The following CADM1 variants were observed in gnomAD, a reference collection of about 807,000 sequenced individuals.
CADM1 encodes TSLC-1.
Under a neutral mutation model 53.1 loss-of-function variants are expected in CADM1, and 15 were observed. The ratio of observed to expected loss-of-function variants is 0.28; its 90% CI spans 0.19 to 0.44. CADM1 has a LOEUF of 0.44. Ranked by LOEUF, CADM1 falls within the 20% of genes least tolerant of loss-of-function variation. The probability of loss-of-function intolerance (pLI) is 1.00; values close to 1 mark genes in which losing one functional copy is unlikely to be tolerated. For missense variants in CADM1, 434 were observed against 611.3 expected, an observed-to-expected ratio of 0.71 and a Z score of 3.06; for synonymous variants, 281 against 243.0, an observed-to-expected ratio of 1.16 and a Z score of -1.45.
At chr11:115,375,087 G>T (rs1376460484) in intron 1 of CADM1, among the ~76,000 whole-genome samples, 1 of 152,106 alleles carries the variant, frequency 6.6e-6, no homozygotes, top group African/African-American at 2.4e-5. Flanking sequence ...TGGAAAGATA[G>T]TACAATGTCT....
At chr11:115,300,313 A>G (rs1281497648) in intron 1 of CADM1, among the ~76,000 whole-genome samples, 1 of 152,112 alleles carries the variant, frequency 6.6e-6, no homozygotes, top group Non-Finnish European at 1.5e-5. Context: ...AGAAGATAGA[A>G]ACTCTTTTCT....
At chr11:115,457,976 A>T (rs1948714569) in intron 1 of CADM1, among the ~76,000 whole-genome samples, 1 of 152,150 alleles carries the variant, frequency 6.6e-6, no homozygotes, top group Admixed American at 6.6e-5. Flanking sequence ...TCCAGCAGGA[A>T]ATTGAACTAG....
At chr11:115,386,128 C>A (rs1475327761) in intron 1 of CADM1, among the ~76,000 whole-genome samples, 3 of 152,246 alleles carry the variant, frequency 2.0e-5, no homozygotes, top group African/African-American at 4.8e-5. Flanking sequence ...ACCTGTCTGG[C>A]AGTTCATTAA....
chr11:115,212,028 A>G (rs527997749), intron 7 of CADM1, among the ~76,000 whole-genome samples: 3 of 152,326 alleles, frequency 2.0e-5, no homozygotes, highest in African/African-American at 4.8e-5. Flanking sequence ...ACATCTGGCT[A>G]AAGTGACCTG....
At chr11:115,304,712 A>AT (rs1944318985) in intron 1 of CADM1, among the ~76,000 whole-genome samples, 1 of 152,080 alleles carries the variant, frequency 6.6e-6, no homozygotes, top group Non-Finnish European at 1.5e-5. Flanking sequence ...ATTGTGTAAG[A>AT]TAAAACCCTG....
At chr11:115,422,121 G>T (rs1360623374) in intron 1 of CADM1, among the ~76,000 whole-genome samples, 1 of 152,160 alleles carries the variant, frequency 6.6e-6, no homozygotes, top group Non-Finnish European at 1.5e-5. Context: ...TCAGCAGCTT[G>T]CTTCTTGTCC....
In CADM1 at chr11:115,218,149, G is replaced by T. The variant is rs1054876870; in HGVS notation, c.722-158C>A. 4.5e-6 allele frequency: 3 copies of T among 662,206 alleles called. No individual in the cohort carries two copies. The East Asian group carries it at 8.4e-5, about 19-fold the overall frequency. The allele number at this position is 662,206 out of a possible 1,614,324, so 41.0% of individuals were successfully genotyped here. ...TAATTAGTTGGTAATCCTGGCATTT[G>T]CTCAAATTAAATTGACTAATAACTC... On this transcript the variant is annotated intron_variant, in intron 5 of 11. Coordinates refer to ENST00000331581, the MANE Select transcript of CADM1 (RefSeq NM_001301043.2).
At chr11:115,310,096 G>A (rs1207099772) in intron 1 of CADM1, among the ~76,000 whole-genome samples, 5 of 151,912 alleles carry the variant, frequency 3.3e-5, no homozygotes, top group Non-Finnish European at 7.4e-5. Context: ...CCTTCGATGG[G>A]AAAAAAATAA....
intron 1 of CADM1, among the ~76,000 whole-genome samples, chr11:115,317,438 G>A (rs1441455290): frequency 6.6e-6 from 1 of 152,106 alleles, no homozygotes; most frequent in Non-Finnish European, 1.5e-5. Context: ...ACACTAACAC[G>A]CCTGTAAAGT....
intron 1 of CADM1, among the ~76,000 whole-genome samples, chr11:115,368,709 C>T (rs946461025): frequency 1.1e-4 from 16 of 152,032 alleles, no homozygotes; most frequent in Non-Finnish European, 2.9e-5. Context: ...AGACTAAAAA[C>T]ACTACTACAA....
chr11:115,420,679 G>A (rs771518280), intron 1 of CADM1, among the ~76,000 whole-genome samples: 7 of 152,142 alleles, frequency 4.6e-5, no homozygotes, highest in Non-Finnish European at 8.8e-5. Flanking sequence ...ATGCAGTGCC[G>A]CAGTTGGTTT....
chr11:115,212,007 T>C (rs892669530), intron 7 of CADM1, among the ~76,000 whole-genome samples: 3 of 152,230 alleles, frequency 2.0e-5, no homozygotes, highest in African/African-American at 7.2e-5. Context: ...CTGGGGCAAC[T>C]GTTGTCCTTC....
rs903454525 is a variant in CADM1, at chr11:115,174,319, T to C, written c.*2155A>G. ...TTTCTTTTTTTCTAAAAAGAACAAC[T>C]GAAAAAAAACCTTTCAACAACATGC... On this transcript the variant is annotated 3_prime_UTR_variant, in exon 12 of 12. Coordinates refer to ENST00000331581, the MANE Select transcript of CADM1 (RefSeq NM_001301043.2). 19 of 984,700 alleles carry C rather than the reference T, an allele frequency of 1.9e-5. No individual in the cohort carries two copies. Among genetic ancestry groups the C allele is most frequent in the Middle Eastern group, 5.2e-4 (1 of 1,934 alleles). 61.0% of individuals were successfully genotyped at this position (984,700 alleles called of 1,614,324 possible).
intron 1 of CADM1, among the ~76,000 whole-genome samples, chr11:115,466,137 C>A (rs573077176): frequency 6.6e-6 from 1 of 152,210 alleles, no homozygotes; most frequent in South Asian, 2.1e-4. Context: ...CCATTTCCCC[C>A]ACCCTGTGGC....
intron 1 of CADM1, among the ~76,000 whole-genome samples, chr11:115,285,376 A>G (rs944821884): frequency 6.6e-6 from 1 of 152,224 alleles, no homozygotes; most frequent in Non-Finnish European, 1.5e-5. Context: ...CTTTAGATAC[A>G]TTAGTTCATT....
intron 1 of CADM1, among the ~76,000 whole-genome samples, chr11:115,322,328 A>T (rs1358536312): frequency 6.6e-6 from 1 of 152,242 alleles, no homozygotes; most frequent in East Asian, 1.9e-4. Context: ...AATGAATCTG[A>T]CGCAGGCTGT....
intron 2 of CADM1, among the ~76,000 whole-genome samples, chr11:115,240,046 A>G (rs564989213): frequency 1.3e-5 from 2 of 152,278 alleles, no homozygotes; most frequent in African/African-American, 4.8e-5. Flanking sequence ...GAATTACTAC[A>G]ATCAATTTCT....
chr11:115,481,841 T>C lies in CADM1; in HGVS notation c.124+22430A>G, dbSNP rs188828327. Among the ~76,000 whole-genome samples the C allele has an allele frequency of 3.2e-4, 49 of 152,248 alleles. No homozygotes were observed. In the East Asian group the frequency reaches 7.3e-3, roughly 23 times the overall value. ...ACTACCTGGGTTCTGGCCCTCAAAA[T>C]TTCAGCTGGCCTTCCACAGCTGCTC... On this transcript the variant is annotated intron_variant, in intron 1 of 11. Transcript: ENST00000331581.
At chr11:115,501,942 GTCATC>G (rs1467844328) in intron 1 of CADM1, among the ~76,000 whole-genome samples, 3 of 152,090 alleles carry the variant, frequency 2.0e-5, no homozygotes, top group Non-Finnish European at 4.4e-5. Flanking sequence ...AATTAAGAAA[GTCATC>G]TCATCTCCTC....
Sources: gnomAD v4.1 joint callset for allele counts (sites outside exome capture counted in the v4.1 genomes callset) on GRCh38, gnomAD v4.1.1 for gene constraint, MANE v1.5 for transcripts, NCBI Gene and HGNC (gene_info 2026-07-23, HGNC 2026-07-21) for gene names.